The following PLEKHA7 variants were observed in gnomAD, a reference collection of about 807,000 sequenced individuals.
PLEKHA7 encodes pleckstrin homology domain-containing family A member 7.
Under a neutral mutation model 170.0 loss-of-function variants are expected in PLEKHA7, and 104 were observed. That is an observed-to-expected ratio of 0.61 (90% CI 0.52 to 0.72). The LOEUF is 0.72. Among genes scored for constraint, PLEKHA7 ranks in the 30% least tolerant of loss-of-function variants. The probability of loss-of-function intolerance (pLI) is 0.00; values close to 1 mark genes in which losing one functional copy is unlikely to be tolerated. For missense variants in PLEKHA7, 1,615 were observed against 1,671.7 expected (o/e 0.97, Z 0.59); for synonymous variants, 648 against 660.8 (o/e 0.98, Z 0.30).
At chr11:16,930,839 G>A (rs1272431846) in intron 3 of PLEKHA7, among the ~76,000 whole-genome samples, 1 of 152,084 alleles carries the variant, frequency 6.6e-6, no homozygotes, top group African/African-American at 2.4e-5. Context: ...TAATTTTAAC[G>A]GGACCAAATG....
At chr11:16,855,581 G>T (rs1260627045) in intron 5 of PLEKHA7, 5 of 547,324 alleles carry the variant, frequency 9.1e-6, no homozygotes, top group Non-Finnish European at 1.6e-5. Context: ...CATGCTCAAG[G>T]ACCTATAGAC....
chr11:16,812,689 C>T (rs979439909), intron 13 of PLEKHA7, among the ~76,000 whole-genome samples: 4 of 152,148 alleles, frequency 2.6e-5, no homozygotes, highest in Non-Finnish European at 4.4e-5. Flanking sequence ...CAAAGCCATG[C>T]GATTCCATGT....
chr11:16,853,063 G>A (rs389967), intron 6 of PLEKHA7, among the ~76,000 whole-genome samples: 15,631 of 152,198 alleles, frequency 0.1, 891 homozygotes, highest in East Asian at 0.16. Context: ...GCATCTTTTA[G>A]TTTTAGAGAT....
At chr11:16,828,392 G>A (rs943384877) in intron 9 of PLEKHA7, among the ~76,000 whole-genome samples, 1 of 152,148 alleles carries the variant, frequency 6.6e-6, no homozygotes, top group African/African-American at 2.4e-5. Context: ...CACCATGATT[G>A]TAAGTTTCTT....
chr11:16,948,260 C>T (rs1861174594), intron 3 of PLEKHA7, among the ~76,000 whole-genome samples: 1 of 152,116 alleles, frequency 6.6e-6, no homozygotes, highest in Admixed American at 6.5e-5. Flanking sequence ...TATTGTACCT[C>T]ATGGTGAGTA....
chr11:16,877,012 G>C (rs16933629), intron 3 of PLEKHA7, among the ~76,000 whole-genome samples: 4 of 152,294 alleles, frequency 2.6e-5, no homozygotes, highest in African/African-American at 9.6e-5. Flanking sequence ...TGCTCCGTCA[G>C]CACTAGCTCT....
intron 3 of PLEKHA7, among the ~76,000 whole-genome samples, chr11:17,003,518 T>C (rs947304586): frequency 1.3e-5 from 2 of 152,248 alleles, no homozygotes; most frequent in African/African-American, 2.4e-5. Context: ...AACGTGGCAC[T>C]ACTACTTGCT....
At position 16,966,731 on chromosome 11, in the gene PLEKHA7, T is replaced by C. The variant is rs1376413298; in HGVS notation, c.221+47258A>G. 2.6e-5 allele frequency among the ~76,000 whole-genome samples: 4 copies of C among 152,102 alleles called. No individual in the cohort carries two copies. The South Asian group carries it at 6.2e-4, about 24-fold the overall frequency. On this transcript the variant is annotated intron_variant, in intron 3 of 26. Coordinates refer to ENST00000531066, the MANE Select transcript of PLEKHA7 (RefSeq NM_001329630.2). Reference sequence around the variant, plus strand: ...CTTTTCTCTTTTCCAGAGCAAACTCTGCAGGACTTTGTCATCTCAGATATC... The same window carrying C: ...CTTTTCTCTTTTCCAGAGCAAACTCCGCAGGACTTTGTCATCTCAGATATC...
rs143570135 is a variant in PLEKHA7, at chr11:16,991,947, T to G, written c.221+22042A>C. Among the ~76,000 whole-genome samples the G allele has an allele frequency of 2.1e-3, 313 of 152,160 alleles. 2 individuals are homozygous for G. The highest frequency in any genetic ancestry group is 7.2e-3 in the African/African-American group (300 of 41,512). Reference sequence around the variant, plus strand: ...GAGAATGGTCTGATTCTGGATAAATTTCAAAGCAGGGCAGGGCTGACAGGA... The same window carrying G: ...GAGAATGGTCTGATTCTGGATAAATGTCAAAGCAGGGCAGGGCTGACAGGA... On this transcript the variant is annotated intron_variant, in intron 3 of 26. Coordinates refer to ENST00000531066, the MANE Select transcript of PLEKHA7 (RefSeq NM_001329630.2).
chr11:16,892,913 G>A (rs999077562), intron 3 of PLEKHA7, among the ~76,000 whole-genome samples: 2 of 152,182 alleles, frequency 1.3e-5, no homozygotes, highest in African/African-American at 4.8e-5. Flanking sequence ...TCTGGTGAGG[G>A]CCCATGCCTT....
chr11:16,790,651 C>T, intron 21 of PLEKHA7, 147 bp downstream of exon 21: 1 of 708,982 alleles, frequency 1.4e-6, no homozygotes, highest in Non-Finnish European at 2.3e-6. Context: ...AGGCCAGGTC[C>T]TCCCTCTTGG....
intron 26 of PLEKHA7, among the ~76,000 whole-genome samples, chr11:16,781,762 C>G (rs1163606829): frequency 6.6e-6 from 1 of 152,180 alleles, no homozygotes; most frequent in Admixed American, 6.5e-5. Context: ...GATCTCCAGA[C>G]AAGACTCCCC....
intron 26 of PLEKHA7, chr11:16,781,132 G>A (rs1236026634): frequency 1.8e-5 from 10 of 555,260 alleles, no homozygotes; most frequent in Non-Finnish European, 2.3e-5. Context: ...CATTTGGCAG[G>A]CTGGGGTGGC....
chr11:16,845,912 G>A (rs1176115188), intron 8 of PLEKHA7, among the ~76,000 whole-genome samples: 2 of 152,162 alleles, frequency 1.3e-5, no homozygotes, highest in Non-Finnish European at 2.9e-5. Flanking sequence ...CTGGATATGG[G>A]AGGAGAGAGA....
rs76016189 is a variant in PLEKHA7 at position 16,793,774 on chromosome 11, T to A, written c.2745+714A>T. Among the ~76,000 whole-genome samples the A allele has an allele frequency of 6.2e-3, 939 of 152,296 alleles. 13 individuals are homozygous for A. Among genetic ancestry groups the A allele is most frequent in the African/African-American group, 0.02 (842 of 41,556 alleles). Reference sequence around the variant, plus strand: ...CTCTGCCAAGAGCTTGGCCCCTTTCTATGCCAGGCAAACCAAGGTGCTGGC... The same window carrying A: ...CTCTGCCAAGAGCTTGGCCCCTTTCAATGCCAGGCAAACCAAGGTGCTGGC... On this transcript the variant is annotated intron_variant, in intron 19 of 26. Coordinates refer to ENST00000531066, the MANE Select transcript of PLEKHA7 (RefSeq NM_001329630.2).
chr11:16,979,119 C>A (rs1470825454), intron 3 of PLEKHA7, among the ~76,000 whole-genome samples: 1 of 152,178 alleles, frequency 6.6e-6, no homozygotes, highest in Admixed American at 6.5e-5. Context: ...CTCATTGCAA[C>A]CTCCGCCTCC....
At chr11:16,838,300 T>G (rs376641) in intron 9 of PLEKHA7, among the ~76,000 whole-genome samples, 24,459 of 151,980 alleles carry the variant, frequency 0.16, 2,392 homozygotes, top group African/African-American at 0.27. Flanking sequence ...TTGAGGCAAG[T>G]AATTCAAGAC....
rs546246517 is a variant in PLEKHA7, at chr11:16,796,182, C to T, written c.2410-1164G>A. On this transcript the variant is annotated intron_variant, in intron 17 of 26. Transcript: ENST00000531066. ...CCTTTACCACAGTTTTTTTGAAAGG[C>T]ACTGTCCTATGTAATCATGACAGAA... is the stretch of plus-strand genomic sequence containing the variant. 3.3e-4 allele frequency among the ~76,000 whole-genome samples: 50 copies of T among 152,216 alleles called. 1 individual carries two copies. Among genetic ancestry groups the T allele is most frequent in the African/African-American group, 1.2e-3 (48 of 41,532 alleles).
At chr11:16,928,292 G>A (rs899719733) in intron 3 of PLEKHA7, among the ~76,000 whole-genome samples, 19 of 152,038 alleles carry the variant, frequency 1.2e-4, no homozygotes, top group Admixed American at 9.8e-4. Context: ...CCTGGGTGAC[G>A]GAGTGAGACT....
Sources: allele counts gnomAD v4.1 joint callset (sites outside exome capture counted in the v4.1 genomes callset), GRCh38; gene constraint gnomAD v4.1.1; transcripts MANE v1.5; gene names NCBI Gene and HGNC (gene_info 2026-07-23, HGNC 2026-07-21).